Variants in DOCK3 observed in about 807,000 individuals in gnomAD.
DOCK3 encodes dedicator of cytokinesis protein 3.
In DOCK3, 60 loss-of-function variants were observed where a neutral mutation model predicts 265.6. The ratio of observed to expected loss-of-function variants is 0.23; its 90% CI spans 0.18 to 0.28. The LOEUF (loss-of-function observed/expected upper bound fraction) is 0.28. DOCK3 is among the 10% of genes least tolerant of loss of function. DOCK3 has a pLI of 1.00. For missense variants in DOCK3, 1,981 were observed against 2,594.3 expected, an observed-to-expected ratio of 0.76 and a Z score of 5.14; for synonymous variants, 881 against 938.0, an observed-to-expected ratio of 0.94 and a Z score of 1.11.
chr3:51,264,346 A>G lies in DOCK3; in HGVS notation c.2355+4020A>G, dbSNP rs545102134. ...ACGAAATTAAGGCAGAGGTTCTTTGAAACCAATGAGAACAAAGACACAACA... is the reference window on the plus strand; with the variant it reads ...ACGAAATTAAGGCAGAGGTTCTTTGGAACCAATGAGAACAAAGACACAACA... On this transcript the variant is annotated intron_variant, in intron 23 of 52. Coordinates refer to ENST00000266037, the MANE Select transcript of DOCK3 (RefSeq NM_004947.5). 3.9e-5 allele frequency among the ~76,000 whole-genome samples: 6 copies of G among 152,236 alleles called. No homozygotes were observed. In the South Asian group the frequency reaches 1.2e-3, roughly 32 times the overall value.
chr3:51,383,499 G>A lies in DOCK3; in HGVS notation c.*1940G>A, dbSNP rs997466018. ...ATAGGTAGGAGGGCTTAGATTTTAA[G>A]GCACTTCTGAAAGTCAATCCCTGGA... is the stretch of plus-strand genomic sequence containing the variant. On this transcript the variant is annotated 3_prime_UTR_variant, in exon 53 of 53. Transcript: ENST00000266037. The A allele has an allele frequency of 6.6e-5, 10 of 152,316 alleles. No homozygotes were observed. Among genetic ancestry groups the A allele is most frequent in the Admixed American group, 5.2e-4 (8 of 15,284 alleles). 9.4% of individuals were successfully genotyped at this position (152,316 alleles called of 1,614,324 possible). A position where few individuals can be genotyped will look rare whatever the true frequency, so the allele number is the denominator to read the frequency against.
At chr3:50,802,836 G>A (rs1350360085) in intron 2 of DOCK3, among the ~76,000 whole-genome samples, 1 of 151,940 alleles carries the variant, frequency 6.6e-6, no homozygotes, top group African/African-American at 2.4e-5. Context: ...CCAATGCTTA[G>A]GGGAATTTTC....
chr3:50,678,124 G>T (rs2034122130), intron 1 of DOCK3, among the ~76,000 whole-genome samples: 1 of 151,522 alleles, frequency 6.6e-6, no homozygotes, highest in African/African-American at 2.4e-5. Context: ...TTTCTTCTTG[G>T]CAGTGGGCAG....
rs137957625 is a variant in DOCK3 at position 50,820,496 on chromosome 3, C to T, written c.122-21179C>T. The stretch of plus-strand genomic sequence containing the variant: ...GCTGCATCCATGTTGCTACAAAGGA[C>T]GTGATTTCATTCTTTTTTTATGGCT... On this transcript the variant is annotated intron_variant, in intron 2 of 52. Transcript: ENST00000266037. Among the ~76,000 whole-genome samples the T allele has an allele frequency of 1.5e-4, 23 of 152,284 alleles. No individual in the cohort carries two copies. In the East Asian group the frequency reaches 4.4e-3, roughly 29 times the overall value.
At chr3:50,865,478 G>T (rs1262861768) in intron 3 of DOCK3, among the ~76,000 whole-genome samples, 1 of 152,168 alleles carries the variant, frequency 6.6e-6, no homozygotes, top group Non-Finnish European at 1.5e-5. Flanking sequence ...CAAATAACAG[G>T]ATCTTATTCT....
chr3:50,994,082 T>C (rs2078199819), intron 5 of DOCK3, among the ~76,000 whole-genome samples: 1 of 152,118 alleles, frequency 6.6e-6, no homozygotes, highest in Admixed American at 6.5e-5. Context: ...GTAGCATTGA[T>C]ATTGGACTGA....
At chr3:51,112,502 T>A (rs1393440744) in intron 9 of DOCK3, among the ~76,000 whole-genome samples, 1 of 152,202 alleles carries the variant, frequency 6.6e-6, no homozygotes, top group East Asian at 1.9e-4. Flanking sequence ...TAAGCAAAAA[T>A]TCATCAAGTT....
intron 1 of DOCK3, among the ~76,000 whole-genome samples, chr3:50,697,922 T>C (rs2035736169): frequency 1.3e-5 from 2 of 152,316 alleles, no homozygotes; most frequent in Admixed American, 1.3e-4. Flanking sequence ...AAAAATCAGT[T>C]ATATAAAATT....
intron 3 of DOCK3, among the ~76,000 whole-genome samples, chr3:50,888,708 A>T (rs556806570): frequency 3.9e-4 from 59 of 152,274 alleles, no homozygotes; most frequent in African/African-American, 1.3e-3. Flanking sequence ...ATAACTCCGC[A>T]TATCTACAAC....
At chr3:50,762,635 A>G (rs540668213) in intron 1 of DOCK3, among the ~76,000 whole-genome samples, 8 of 152,186 alleles carry the variant, frequency 5.3e-5, no homozygotes, top group Non-Finnish European at 7.3e-5. Context: ...TCCTGATCTT[A>G]TAAAGCATTC....
At chr3:50,752,128 A>C (rs1197383248) in intron 1 of DOCK3, among the ~76,000 whole-genome samples, 1 of 152,174 alleles carries the variant, frequency 6.6e-6, no homozygotes, top group Non-Finnish European at 1.5e-5. Flanking sequence ...AAGGTTGTCA[A>C]ATAGAAAATA....
In DOCK3 at chr3:51,374,442, T is replaced by A. The variant is rs554850331; in HGVS notation, c.5294-27T>A. ...CCCTCCATCTGTGGCTTGTCATCTG[T>A]GCTTGATTGTTCTCACTTGGTTACA... On this transcript the variant is annotated intron_variant, in intron 49 of 52. Transcript: ENST00000266037. This position sits in a 1 kb window ranked among gnomAD's most constrained non-coding sequence, Gnocchi z 4.8. 6.3e-7 allele frequency: 1 copy of A among 1,597,662 alleles called. No homozygotes were observed. The highest frequency in any genetic ancestry group is 1.7e-5 in the Admixed American group (1 of 58,200).
chr3:51,076,356 C>T (rs2082056453), intron 7 of DOCK3, among the ~76,000 whole-genome samples: 1 of 152,174 alleles, frequency 6.6e-6, no homozygotes, highest in Non-Finnish European at 1.5e-5. Flanking sequence ...CAGCCAGCTA[C>T]TTGGAAGGCT....
At chr3:50,860,537 T>G (rs768056638) in intron 3 of DOCK3, among the ~76,000 whole-genome samples, 8 of 152,136 alleles carry the variant, frequency 5.3e-5, no homozygotes, top group Non-Finnish European at 4.4e-5. Flanking sequence ...CTTGTAGGAG[T>G]TGGCTGGAGA....
Position 51,151,591 on chromosome 3 carries a change from C to T in DOCK3, c.828+4961C>T, listed in dbSNP as rs563810799. ...AGTTGATGCAGTTTCTTGCTAGCAT[C>T]GATTGTCTTTACAATTTGGCATGTT... On this transcript the variant is annotated intron_variant, in intron 10 of 52. Transcript: ENST00000266037. 2.9e-4 allele frequency among the ~76,000 whole-genome samples: 44 copies of T among 152,270 alleles called. 1 individual carries two copies. In the South Asian group the frequency reaches 4.6e-3, roughly 16 times the overall value.
At chr3:50,754,289 T>TACTA (rs1260189950) in intron 1 of DOCK3, among the ~76,000 whole-genome samples, 1 of 150,844 alleles carries the variant, frequency 6.6e-6, no homozygotes, top group African/African-American at 2.4e-5. Flanking sequence ...CACTTTGGAC[T>TACTA]ACTAGAAGGT....
chr3:51,333,036 G>T lies in DOCK3; in HGVS notation c.3515+9G>T. 2 of 1,613,962 alleles carry T rather than the reference G, an allele frequency of 1.2e-6. No homozygotes were observed. Among genetic ancestry groups the T allele is most frequent in the South Asian group, 1.1e-5 (1 of 91,068 alleles). On this transcript the variant is annotated intron_variant, in intron 34 of 52. Coordinates refer to ENST00000266037, the MANE Select transcript of DOCK3 (RefSeq NM_004947.5). ...TTTGGGCCCTACCCCAGGTAAGACT[G>T]CAGTGTGGTAAGTCTGCTGTCTCCA...
intron 26 of DOCK3, chr3:51,278,493 G>A: frequency 1.0e-6 from 1 of 985,424 alleles, no homozygotes; most frequent in Non-Finnish European, 1.2e-6. Context: ...CCAAGCTACA[G>A]CGTGCTAGGG....
intron 4 of DOCK3, among the ~76,000 whole-genome samples, chr3:50,926,652 GTGAGAGTTGT>G (rs2050775708): frequency 6.6e-6 from 1 of 152,218 alleles, no homozygotes. Flanking sequence ...TAGCAAGATG[GTGAGAGTTGT>G]TGAGAGTCAG....
Sources: allele counts gnomAD v4.1 joint callset (sites outside exome capture counted in the v4.1 genomes callset), GRCh38; gene constraint gnomAD v4.1.1; non-coding constraint Gnocchi (gnomAD v3.1); transcripts MANE v1.5; gene names NCBI Gene and HGNC (gene_info 2026-07-23, HGNC 2026-07-21).